HYDIN: variants seen among roughly 807,000 people sequenced by gnomAD.
The protein encoded by HYDIN is axonemal central pair apparatus protein HYDIN.
Under a neutral mutation model 403.9 loss-of-function variants are expected in HYDIN, and 132 were observed. That is an observed-to-expected ratio of 0.33 (90% CI 0.28 to 0.38). HYDIN has a LOEUF of 0.38. HYDIN is among the 10% of genes least tolerant of loss of function. The pLI is 1.00. For missense variants in HYDIN, 2,827 were observed against 5,009.5 expected (o/e 0.56, Z 13.15); for synonymous variants, 1,202 against 1,891.7 (o/e 0.64, Z 9.46).
At chr16:70,955,996 T>C (rs1474837041) in intron 39 of HYDIN, among the ~76,000 whole-genome samples, 1 of 151,956 alleles carries the variant, frequency 6.6e-6, no homozygotes, top group East Asian at 1.9e-4. Context: ...TTTTTTGTAT[T>C]TTTAGTAGAG....
intron 47 of HYDIN, among the ~76,000 whole-genome samples, chr16:70,915,038 ACTT>A (rs1449107714): frequency 2.1e-4 from 31 of 150,644 alleles, no homozygotes; most frequent in African/African-American, 7.6e-4. Context: ...TTCTCCCTTT[ACTT>A]CTTCTATCAT....
chr16:71,120,990 T>G (rs910518873), intron 9 of HYDIN, among the ~76,000 whole-genome samples: 6 of 150,724 alleles, frequency 4.0e-5, no homozygotes, highest in Non-Finnish European at 7.4e-5. Flanking sequence ...ATAATATACG[T>G]AACCACCCAC....
At chr16:70,901,752 A>AT (rs199945163) in intron 52 of HYDIN, among the ~76,000 whole-genome samples, 1 of 151,674 alleles carries the variant, frequency 6.6e-6, no homozygotes, top group East Asian at 1.9e-4. Context: ...TGCCTGGCTA[A>AT]TTTTTGTATT....
At chr16:71,016,838 G>A (rs2080275070) in intron 23 of HYDIN, among the ~76,000 whole-genome samples, 2 of 152,142 alleles carry the variant, frequency 1.3e-5, no homozygotes, top group Non-Finnish European at 2.9e-5. Flanking sequence ...GAACCTTGAG[G>A]ACATTATGCT....
At chr16:71,063,319 G>A (rs555781245) in intron 16 of HYDIN, among the ~76,000 whole-genome samples, 5 of 152,356 alleles carry the variant, frequency 3.3e-5, no homozygotes, top group East Asian at 1.9e-4. Context: ...GTGCTCCGCC[G>A]AGCCTTATGA....
intron 35 of HYDIN, 49 bp from the exon 36 acceptor site, chr16:70,970,808 T>C (rs2078710288): frequency 2.5e-6 from 4 of 1,585,320 alleles, no homozygotes; most frequent in African/African-American, 1.4e-5. Context: ...TTCCATTACA[T>C]GTCATGTAAA....
chr16:71,197,513 A>G (rs760418690), intron 1 of HYDIN, among the ~76,000 whole-genome samples: 38 of 152,230 alleles, frequency 2.5e-4, no homozygotes, highest in Non-Finnish European at 4.4e-4. Context: ...GATAAGAGAT[A>G]AAGTGATATC....
rs576059055 is a variant in HYDIN, at chr16:70,871,954, A to G, written c.11091+83T>C. 2.2e-5 allele frequency: 20 copies of G among 922,734 alleles called. No individual in the cohort carries two copies. In the Admixed American group the frequency reaches 3.7e-4, roughly 17 times the overall value. The allele number at this position is 922,734 out of a possible 1,614,324, so 57.2% of individuals were successfully genotyped here. On this transcript the variant is annotated intron_variant, in intron 65 of 85. Transcript: ENST00000393567. ...GAGATGCATTAATTCCATTCCATGC[A>G]TCCACGGGAAAGGGCTGACAATCAG...
At chr16:71,102,260 C>T (rs941490307) in intron 10 of HYDIN, among the ~76,000 whole-genome samples, 3 of 151,902 alleles carry the variant, frequency 2.0e-5, no homozygotes, top group African/African-American at 4.8e-5. Context: ...CATTTCTTAA[C>T]GTGGGTGACA....
chr16:71,171,662 A>G (rs191787886), intron 5 of HYDIN, among the ~76,000 whole-genome samples: 1 of 152,392 alleles, frequency 6.6e-6, no homozygotes, highest in Non-Finnish European at 1.5e-5. Flanking sequence ...ATCTGGAAAT[A>G]TGAAACAAAA....
At chr16:71,172,187 T>C (rs976681725) in intron 5 of HYDIN, among the ~76,000 whole-genome samples, 81 of 152,378 alleles carry the variant, frequency 5.3e-4, no homozygotes, top group African/African-American at 1.8e-3. Flanking sequence ...AAAAACCATT[T>C]TGACAACAAA....
At chr16:70,980,689 T>C (rs1409828712) in intron 29 of HYDIN, among the ~76,000 whole-genome samples, 1 of 151,800 alleles carries the variant, frequency 6.6e-6, no homozygotes. Context: ...CTGAAGCTTT[T>C]TAGGGAAAGT....
intron 60 of HYDIN, among the ~76,000 whole-genome samples, chr16:70,881,544 C>T (rs2040807234): frequency 6.9e-6 from 1 of 144,912 alleles, no homozygotes; most frequent in African/African-American, 2.7e-5. Flanking sequence ...GGAGGCAGAG[C>T]TTGCAGTGAG....
At chr16:70,808,574 G>C (rs1018085648) in intron 85 of HYDIN, among the ~76,000 whole-genome samples, 2 of 152,144 alleles carry the variant, frequency 1.3e-5, no homozygotes, top group Non-Finnish European at 2.9e-5. Flanking sequence ...GAGATGAGCA[G>C]GGTCCCCTGC....
intron 20 of HYDIN, chr16:71,027,118 T>C: frequency 9.6e-7 from 1 of 1,039,512 alleles, no homozygotes; most frequent in Non-Finnish European, 1.2e-6. Context: ...TTGCTGAAGA[T>C]AAATGTGGCT....
intron 2 of HYDIN, among the ~76,000 whole-genome samples, chr16:71,185,995 C>T (rs2087129421): frequency 6.6e-6 from 1 of 151,978 alleles, no homozygotes; most frequent in African/African-American, 2.4e-5. Context: ...GATTGGAACC[C>T]AGATAAGGAC....
rs1039575262 is a variant in HYDIN, at chr16:70,890,665, G to A, written c.9657-961C>T. Among the ~76,000 whole-genome samples, 155 of 150,676 alleles carry A rather than the reference G, an allele frequency of 1.0e-3. 2 individuals are homozygous for A. The highest frequency in any genetic ancestry group is 4.5e-3 in the Admixed American group (68 of 15,144). ...GGTAAAAACCATCCTTAATTTGCCC[G>A]AAAAAGAGTATGGCAGCCCAGTAGA... On this transcript the variant is annotated intron_variant, in intron 57 of 85. Coordinates refer to ENST00000393567, the MANE Select transcript of HYDIN (RefSeq NM_001270974.2).
At chr16:71,115,602 C>T (rs1321380666) in intron 10 of HYDIN, 94 bp downstream of exon 10, 3 of 693,504 alleles carry the variant, frequency 4.3e-6, no homozygotes, top group Non-Finnish European at 7.9e-6. Context: ...CATGATCCCA[C>T]ATGCACATGT....
intron 5 of HYDIN, among the ~76,000 whole-genome samples, chr16:71,174,845 C>T (rs973390657): frequency 7.2e-5 from 11 of 152,264 alleles, no homozygotes; most frequent in Non-Finnish European, 1.2e-4. Flanking sequence ...GGCCTCTGCT[C>T]TCAGCTCTAG....
Sources: allele counts gnomAD v4.1 joint callset (sites outside exome capture counted in the v4.1 genomes callset), GRCh38; gene constraint gnomAD v4.1.1; transcripts MANE v1.5; gene names NCBI Gene and HGNC (gene_info 2026-07-23, HGNC 2026-07-21).